Variants in REL observed in about 807,000 individuals in gnomAD.
The protein encoded by REL is REL proto-oncogene, NF-kB subunit.
REL carries 15 observed loss-of-function variants against 45.9 expected under a neutral mutation model. That is an observed-to-expected ratio of 0.33 (90% confidence interval 0.22 to 0.50). The LOEUF (loss-of-function observed/expected upper bound fraction) is 0.50, where lower values mean the gene tolerates loss of function less well. REL is among the 20% of genes least tolerant of loss of function. The pLI is 0.98. For missense variants in REL, 601 were observed against 715.2 expected (o/e 0.84, Z 1.82); for synonymous variants, 239 against 242.1 (o/e 0.99, Z 0.12).
intron 4 of REL, among the ~76,000 whole-genome samples, chr2:60,910,126 T>C (rs964707118): frequency 4.0e-5 from 6 of 151,766 alleles, no homozygotes; most frequent in African/African-American, 1.5e-4. Context: ...GATTTTAGGG[T>C]TAAAGGAGTG....
chr2:60,927,255 T>C lies in REL; in HGVS notation c.*4720T>C, dbSNP rs1558829552. ...TTGACATGGGAGTTAGTAAAATGTA[T>C]ATGGAAATGATTTTTAAAGGGAAAG... On this transcript the variant is annotated 3_prime_UTR_variant, in exon 10 of 10. Coordinates refer to ENST00000394479, the MANE Select transcript of REL (RefSeq NM_001291746.2). The C allele has an allele frequency of 8.7e-6, 2 of 228,880 alleles. No homozygotes were observed. 14.2% of individuals were successfully genotyped at this position (228,880 alleles called of 1,614,324 possible).
chr2:60,922,354 A>G lies in REL; in HGVS notation c.1583A>G (p.Asp528Gly), dbSNP rs1182237896. 2 of 1,614,006 alleles carry G rather than the reference A, an allele frequency of 1.2e-6. No individual in the cohort carries two copies. Among genetic ancestry groups the G allele is most frequent in the South Asian group, 1.1e-5 (1 of 91,090 alleles). ...SNTTVFVSQS[D>G]AFEGSDFSCA... is the part of the protein sequence containing the mutation. ...ACTACTGTTTTTGTTTCACAATCAG[A>G]TGCATTTGAGGGATCTGACTTCAGT... The change falls in exon 10 of 10, where the codon GAT becomes GGT. Residue 528 changes from aspartate to glycine, a missense_variant. Asp to Gly is a moderately conservative substitution (Grantham distance 94). Coordinates refer to ENST00000394479, the MANE Select transcript of REL (RefSeq NM_001291746.2).
At chr2:60,913,144 A>G (rs1232117683) in intron 4 of REL, among the ~76,000 whole-genome samples, 2 of 151,938 alleles carry the variant, frequency 1.3e-5, no homozygotes, top group Non-Finnish European at 2.9e-5. Flanking sequence ...TTTCAGTTTC[A>G]AGTTCTCCAG....
Position 60,881,739 on chromosome 2 carries a change from G to GC in REL, c.-98dup. On this transcript the variant is annotated 5_prime_UTR_variant, in exon 1 of 10. Transcript: ENST00000394479. ...CTCTAGGGTGGTCGGGGGACTGGGG[G>GC]CCCCGCCGGCAGAGGTCCCTCGGCC... The GC allele has an allele frequency of 9.4e-7, 1 of 1,065,878 alleles. No homozygotes were observed. The highest frequency in any genetic ancestry group is 1.4e-6 in the Non-Finnish European group (1 of 734,828). The allele number at this position is 1,065,878 out of a possible 1,614,324, so 66.0% of individuals were successfully genotyped here.
At chr2:60,909,160 C>T (rs2103963486) in intron 4 of REL, among the ~76,000 whole-genome samples, 1 of 152,166 alleles carries the variant, frequency 6.6e-6, no homozygotes, top group Non-Finnish European at 1.5e-5. Context: ...ATCTATTTCT[C>T]ATCCAGATAC....
intron 9 of REL, 56 bp from the exon 10 acceptor site, chr2:60,921,707 T>A (rs1195555179): frequency 6.9e-7 from 1 of 1,453,660 alleles, no homozygotes; most frequent in Non-Finnish European, 9.3e-7. Flanking sequence ...AATTTAGAAA[T>A]GCTTTTTATA....
At chr2:60,913,563 G>T (rs540905487) in intron 4 of REL, among the ~76,000 whole-genome samples, 9 of 152,178 alleles carry the variant, frequency 5.9e-5, no homozygotes, top group Non-Finnish European at 1.2e-4. Context: ...AAAGCCTTGG[G>T]TATTTATCAG....
chr2:60,898,616 T>G (rs1432830203), intron 3 of REL, among the ~76,000 whole-genome samples: 1 of 152,226 alleles, frequency 6.6e-6, no homozygotes, highest in African/African-American at 2.4e-5. Flanking sequence ...ACTACCAGAC[T>G]TTTTCTGTAA....
Position 60,920,099 on chromosome 2 carries a change from C to A in REL, c.912C>A (p.Cys304Ter). The A allele has an allele frequency of 6.2e-7, 1 of 1,607,618 alleles. No homozygotes were observed. Among genetic ancestry groups the A allele is most frequent in the Non-Finnish European group, 8.5e-7 (1 of 1,174,934 alleles). The part of the protein sequence containing the change: ...QKTTLLFQKL[C>*]QDHVNFPERP... ...CAACTCTGCTTTTCCAGAAACTGTG[C>A]CAGGATCACGGTAAGAATAGTTTGG... The change falls in exon 8 of 10, where the codon TGC (cysteine) becomes TGA (stop). Residue 304 changes from cysteine to a stop codon, truncating the protein, a stop_gained. Transcript: ENST00000394479. LOFTEE classifies it high-confidence loss of function.
intron 7 of REL, among the ~76,000 whole-genome samples, chr2:60,919,692 TG>T (rs1674082642): frequency 6.6e-6 from 1 of 152,198 alleles, no homozygotes; most frequent in Non-Finnish European, 1.5e-5. Flanking sequence ...CCCAAAGTGC[TG>T]GGATTGCAGG....
rs528346434 is a variant in REL, at chr2:60,931,279, C to A, written c.*8744C>A. ...AATGTATGGTTTTTGACCAGGTGAA[C>A]CCTTTAGAAGTGATTTCTGTTTTAA... On this transcript the variant is annotated 3_prime_UTR_variant, in exon 10 of 10. Transcript: ENST00000394479. 4.6e-5 allele frequency: 7 copies of A among 152,386 alleles called. No individual in the cohort carries two copies. In the South Asian group the frequency reaches 1.4e-3, roughly 32 times the overall value. 9.4% of individuals were successfully genotyped at this position (152,386 alleles called of 1,614,324 possible). A position where few individuals can be genotyped will look rare whatever the true frequency, so the allele number is the denominator to read the frequency against.
chr2:60,917,324 C>T (rs1430008916), intron 5 of REL, among the ~76,000 whole-genome samples: 1 of 152,068 alleles, frequency 6.6e-6, no homozygotes, highest in Admixed American at 6.6e-5. Flanking sequence ...GTTTTAAAAA[C>T]TAACTTTCTT....
chr2:60,881,919 T>G, intron 1 of REL, 69 bp downstream of exon 1: 1 of 1,161,714 alleles, frequency 8.6e-7, no homozygotes. Flanking sequence ...CCTGCCGCAG[T>G]GAGTTTAGGG....
In REL at chr2:60,922,636, A is replaced by G. The variant is rs887326544; in HGVS notation, c.*101A>G. 28 of 1,375,126 alleles carry G rather than the reference A, an allele frequency of 2.0e-5. No individual in the cohort carries two copies. The highest frequency in any genetic ancestry group is 1.0e-4 in the East Asian group (4 of 38,862). The allele number at this position is 1,375,126 out of a possible 1,614,324, so 85.2% of individuals were successfully genotyped here. A position where few individuals can be genotyped will look rare whatever the true frequency, so the allele number is the denominator to read the frequency against. ...ATATAATACTATATTTATACTGTAT[A>G]TATAATACTGACTGAGAATATAATA... On this transcript the variant is annotated 3_prime_UTR_variant, in exon 10 of 10. Coordinates refer to ENST00000394479, the MANE Select transcript of REL (RefSeq NM_001291746.2).
chr2:60,889,809 T>G (rs1673163060), intron 1 of REL, among the ~76,000 whole-genome samples: 1 of 152,238 alleles, frequency 6.6e-6, no homozygotes, highest in Non-Finnish European at 1.5e-5. Context: ...TAGTATTCCA[T>G]GGTGTATATG....
rs573099976 is a variant in REL at position 60,902,696 on chromosome 2, C to T, written c.394+1613C>T. On this transcript the variant is annotated intron_variant, in intron 4 of 9. Transcript: ENST00000394479. ...GCGGCGTTGACATCCTGGGCTCAAG[C>T]GGTCATCCCACCTCAGCCTCCCAAG... 2.1e-4 allele frequency among the ~76,000 whole-genome samples: 31 copies of T among 150,796 alleles called. 1 individual carries two copies. The South Asian group carries it at 6.3e-3, about 30-fold the overall frequency.
chr2:60,917,532 T>G (rs569318375), intron 5 of REL, among the ~76,000 whole-genome samples: 4 of 146,802 alleles, frequency 2.7e-5, no homozygotes, highest in African/African-American at 9.9e-5. Flanking sequence ...TTTTATTGGT[T>G]TTTTTTTTTT....
At chr2:60,887,197 T>G (rs1673092741) in intron 1 of REL, among the ~76,000 whole-genome samples, 1 of 152,232 alleles carries the variant, frequency 6.6e-6, no homozygotes, top group South Asian at 2.1e-4. Context: ...ATTGTACTGA[T>G]GCATTATATA....
intron 4 of REL, among the ~76,000 whole-genome samples, chr2:60,908,538 A>G (rs1025146018): frequency 6.6e-6 from 1 of 152,226 alleles, no homozygotes; most frequent in Non-Finnish European, 1.5e-5. Context: ...AGATTTTAAC[A>G]GTGTTTACTT....
Sources: allele counts gnomAD v4.1 joint callset (sites outside exome capture counted in the v4.1 genomes callset), GRCh38; gene constraint gnomAD v4.1.1; transcripts MANE v1.5; gene names NCBI Gene and HGNC (gene_info 2026-07-23, HGNC 2026-07-21).